Variants in SPECC1 observed in about 807,000 individuals in gnomAD.
The protein encoded by SPECC1 is cytospin-B.
In SPECC1, 62 loss-of-function variants were observed where a neutral mutation model predicts 104.1. That is an observed-to-expected ratio of 0.60 (90% confidence interval 0.49 to 0.74). The LOEUF is 0.74. Among genes scored for constraint, SPECC1 ranks in the 30% least tolerant of loss-of-function variants. The pLI is 0.00. For missense variants in SPECC1, 1,306 were observed against 1,310.5 expected (o/e 1.00, Z 0.05); for synonymous variants, 513 against 501.6 (o/e 1.02, Z -0.30).
intron 1 of SPECC1, among the ~76,000 whole-genome samples, chr17:20,048,668 G>A (rs908803996): frequency 2.6e-5 from 4 of 152,052 alleles, no homozygotes; most frequent in African/African-American, 9.7e-5. Flanking sequence ...GCACTTTGGA[G>A]CCTGAGGTGG....
chr17:20,011,938 T>C (rs2043958049), intron 1 of SPECC1, among the ~76,000 whole-genome samples: 1 of 152,190 alleles, frequency 6.6e-6, no homozygotes, highest in African/African-American at 2.4e-5. Flanking sequence ...TTGGAACATT[T>C]TTCTTCTCCC....
chr17:20,039,282 G>A (rs2045225130), intron 1 of SPECC1, among the ~76,000 whole-genome samples: 1 of 152,164 alleles, frequency 6.6e-6, no homozygotes, highest in African/African-American at 2.4e-5. Flanking sequence ...GTTCAGTGGT[G>A]TTAAGTTCTT....
At chr17:20,269,101 A>G (rs566172950) in intron 12 of SPECC1, among the ~76,000 whole-genome samples, 1 of 152,320 alleles carries the variant, frequency 6.6e-6, no homozygotes, top group African/African-American at 2.4e-5. Context: ...TAAAACTGAG[A>G]AAGATTACTC....
intron 1 of SPECC1, among the ~76,000 whole-genome samples, chr17:20,020,112 T>C (rs1479940377): frequency 2.0e-5 from 3 of 152,226 alleles, no homozygotes; most frequent in Non-Finnish European, 4.4e-5. Flanking sequence ...AGCTGATTTT[T>C]ATTCTGTGTT....
intron 1 of SPECC1, chr17:20,056,624 C>T (rs978932974): frequency 1.1e-5 from 2 of 178,020 alleles, no homozygotes; most frequent in African/African-American, 4.7e-5. Flanking sequence ...AGACACCTCA[C>T]CTAAGCTTAA....
At chr17:20,278,048 ACT>A (rs1252717176) in intron 12 of SPECC1, among the ~76,000 whole-genome samples, 29 of 150,466 alleles carry the variant, frequency 1.9e-4, no homozygotes, top group Non-Finnish European at 4.4e-5. Flanking sequence ...ACCCTTAACG[ACT>A]CTGCAGCCAG....
At chr17:20,239,779 A>G (rs561470233) in intron 7 of SPECC1, among the ~76,000 whole-genome samples, 8 of 151,580 alleles carry the variant, frequency 5.3e-5, no homozygotes, top group Non-Finnish European at 7.4e-5. Context: ...GCCCATCTGT[A>G]TACATCCTGA....
At chr17:20,038,000 G>GT (rs1157003626) in intron 1 of SPECC1, among the ~76,000 whole-genome samples, 1 of 152,058 alleles carries the variant, frequency 6.6e-6, no homozygotes, top group East Asian at 1.9e-4. Flanking sequence ...GGTAATTTGT[G>GT]TTTTTTCAGT....
rs538931763 is a variant in SPECC1 at position 20,022,333 on chromosome 17, A to G, written c.-22+12909A>G. Among the ~76,000 whole-genome samples the G allele has an allele frequency of 3.3e-5, 5 of 152,264 alleles. No individual in the cohort carries two copies. The East Asian group carries it at 9.6e-4, about 29-fold the overall frequency. ...TTGTTATCTTTTTGAGTTTCCATTG[A>G]CATAAGTTGCCTGTTCATGTCCTTT... On this transcript the variant is annotated intron_variant, in intron 1 of 14. Coordinates refer to ENST00000395527, the MANE Select transcript of SPECC1 (RefSeq NM_001243439.2).
intron 9 of SPECC1, among the ~76,000 whole-genome samples, chr17:20,251,845 C>T (rs944517369): frequency 6.6e-6 from 1 of 152,130 alleles, no homozygotes; most frequent in Non-Finnish European, 1.5e-5. Context: ...CGTTTAGTAT[C>T]GTTGCCATTT....
chr17:20,098,348 T>C (rs1446372000), intron 2 of SPECC1, among the ~76,000 whole-genome samples: 3 of 152,202 alleles, frequency 2.0e-5, no homozygotes, highest in African/African-American at 7.2e-5. Flanking sequence ...TAAAAATATG[T>C]GTCAACTCCA....
chr17:20,034,862 C>T (rs538225476), intron 1 of SPECC1, among the ~76,000 whole-genome samples: 1 of 152,198 alleles, frequency 6.6e-6, no homozygotes, highest in Non-Finnish European at 1.5e-5. Flanking sequence ...GCCTTGGCCT[C>T]CCAAAGTGCT....
chr17:20,311,183 G>A (rs1461176801), intron 14 of SPECC1, among the ~76,000 whole-genome samples: 2 of 149,844 alleles, frequency 1.3e-5, no homozygotes. Context: ...TTGGTACATA[G>A]GACAGCAATG....
In SPECC1 at chr17:20,054,427, G is replaced by C. The variant is rs188405821; in HGVS notation, c.-21-42204G>C. On this transcript the variant is annotated intron_variant, in intron 1 of 14. Transcript: ENST00000395527. ...GTGTGTGCAGTTCTCTCTAGTTTTGGAAGGCTTTCACCAACTGTTTGACGC... is the reference window on the plus strand; with the variant it reads ...GTGTGTGCAGTTCTCTCTAGTTTTGCAAGGCTTTCACCAACTGTTTGACGC... Among the ~76,000 whole-genome samples the C allele has an allele frequency of 3.3e-5, 5 of 152,196 alleles. No individual in the cohort carries two copies. The East Asian group carries it at 9.7e-4, about 29-fold the overall frequency.
In SPECC1 at chr17:20,287,423, C is replaced by CAAAAAAAA. The variant is rs61713120; in HGVS notation, c.2941-9513_2941-9506dup. 4.7e-4 allele frequency among the ~76,000 whole-genome samples: 46 copies of CAAAAAAAA among 98,054 alleles called. 1 individual carries two copies. The highest frequency in any genetic ancestry group is 1.6e-3 in the African/African-American group (39 of 24,078). 64.3% of individuals were successfully genotyped at this position (98,054 alleles called of 152,430 possible). ...TGGGCGACAGAGCGAGACTCCGTCT[C>CAAAAAAAA]AAAAAAAAAAAAAAAAAAAAAAAAA... On this transcript the variant is annotated intron_variant, in intron 12 of 14. Coordinates refer to ENST00000395527, the MANE Select transcript of SPECC1 (RefSeq NM_001243439.2).
At chr17:20,091,360 T>C (rs4925082) in intron 1 of SPECC1, among the ~76,000 whole-genome samples, 56,062 of 152,012 alleles carry the variant, frequency 0.37, 10,879 homozygotes, top group Middle Eastern at 0.52. Flanking sequence ...TAAGCAGATA[T>C]GTCATGTGCC....
chr17:20,110,983 G>A (rs1240358982), intron 3 of SPECC1, among the ~76,000 whole-genome samples: 1 of 152,112 alleles, frequency 6.6e-6, no homozygotes, highest in Non-Finnish European at 1.5e-5. Context: ...GAAGAGCCTC[G>A]CCCAGCAGCT....
At chr17:20,115,421 C>T (rs1028813956) in intron 3 of SPECC1, among the ~76,000 whole-genome samples, 3 of 151,696 alleles carry the variant, frequency 2.0e-5, no homozygotes, top group East Asian at 3.9e-4. Flanking sequence ...TGCAGTGAGC[C>T]GAGATCGTGC....
chr17:20,167,162 TTATA>T lies in SPECC1; in HGVS notation c.284-37166_284-37163del, dbSNP rs529128171. Among the ~76,000 whole-genome samples, 308 of 147,904 alleles carry T rather than the reference TTATA, an allele frequency of 2.1e-3. 1 individual carries two copies. The highest frequency in any genetic ancestry group is 7.1e-3 in the Middle Eastern group (2 of 280). The stretch of plus-strand genomic sequence containing the variant: ...TATATTATATTATATATAATTTATA[TTATA>T]TATAGTGTATGTAATATGTTAGCTA... On this transcript the variant is annotated intron_variant, in intron 3 of 14. Coordinates refer to ENST00000395527, the MANE Select transcript of SPECC1 (RefSeq NM_001243439.2).
Sources: gnomAD v4.1 joint callset for allele counts (sites outside exome capture counted in the v4.1 genomes callset) on GRCh38, gnomAD v4.1.1 for gene constraint, MANE v1.5 for transcripts, NCBI Gene and HGNC (gene_info 2026-07-23, HGNC 2026-07-21) for gene names.